The following EPHA2 variants were observed in gnomAD, a reference collection of about 807,000 sequenced individuals.
The protein encoded by EPHA2 is ephrin type-A receptor 2.
Under a neutral mutation model 104.9 loss-of-function variants are expected in EPHA2, and 54 were observed. The ratio of observed to expected loss-of-function variants is 0.51; its 90% confidence interval spans 0.41 to 0.65. The LOEUF is 0.65. Ranked by LOEUF, EPHA2 falls within the 30% of genes least tolerant of loss-of-function variation. EPHA2 has a pLI of 0.00. For missense variants in EPHA2, 1,117 were observed against 1,369.5 expected (o/e 0.82, Z 2.91); for synonymous variants, 560 against 559.1 (o/e 1.00, Z -0.02).
rs115171763 is a variant in EPHA2 at position 16,135,132 on chromosome 1, C to A, written c.1486G>T (p.Asp496Tyr). Residue 496 changes from aspartate to tyrosine, a missense_variant, in exon 7 of 17, where the codon GAC becomes TAC. Coordinates refer to ENST00000358432, the MANE Select transcript of EPHA2 (RefSeq NM_004431.5). The surrounding 1 kb of genome is among the most constrained non-coding windows in gnomAD (Gnocchi z 4.3). ...AGGTAGGTGGTGTCTGGGGCCAGGT[C>A]GTCCAGGGTCACGGAGAAACCCTCG... is the stretch of plus-strand genomic sequence containing the variant. ...RTEGFSVTLDDLAPDTTYLVQ... is the reference protein window; with the variant it reads ...RTEGFSVTLDYLAPDTTYLVQ... 1 of 1,614,050 alleles carries A rather than the reference C, an allele frequency of 6.2e-7. No individual in the cohort carries two copies. Among genetic ancestry groups the A allele is most frequent in the South Asian group, 1.1e-5 (1 of 91,074 alleles).
chr1:16,150,828 T>G lies in EPHA2; in HGVS notation c.153+68A>C. 6.4e-7 allele frequency: 1 copy of G among 1,573,486 alleles called. No homozygotes were observed. Among genetic ancestry groups the G allele is most frequent in the African/African-American group, 1.3e-5 (1 of 74,212 alleles). On this transcript the variant is annotated intron_variant, in intron 2 of 16. Coordinates refer to ENST00000358432, the MANE Select transcript of EPHA2 (RefSeq NM_004431.5). This position sits in a 1 kb window ranked among gnomAD's most constrained non-coding sequence, Gnocchi z 4.8. ...GGCCCCACGCTCCCTGGGCCTCAGT[T>G]TCTCCATCTCTACAGGGGACCAGCA...
chr1:16,152,912 A>G (rs1341668547), intron 1 of EPHA2, among the ~76,000 whole-genome samples: 2 of 152,000 alleles, frequency 1.3e-5, no homozygotes. Context: ...CCTCGAACCA[A>G]CCACCAGGAA....
intron 1 of EPHA2, among the ~76,000 whole-genome samples, chr1:16,151,779 G>A (rs1165189073): frequency 1.3e-5 from 2 of 152,308 alleles, no homozygotes; most frequent in African/African-American, 4.8e-5. Context: ...TGGGGGATCA[G>A]GAATAAAAGC....
chr1:16,126,827 G>A (rs1016159193), intron 16 of EPHA2, among the ~76,000 whole-genome samples: 7 of 152,140 alleles, frequency 4.6e-5, no homozygotes, highest in Admixed American at 1.3e-4. Context: ...TAAGCTCCAG[G>A]AGGACAAGTG....
chr1:16,135,802 A>T lies in EPHA2; in HGVS notation c.1313-32T>A. 8.4e-7 allele frequency: 1 copy of T among 1,191,032 alleles called. No individual in the cohort carries two copies. The highest frequency in any genetic ancestry group is 1.3e-6 in the Non-Finnish European group (1 of 799,612). 73.8% of individuals were successfully genotyped at this position (1,191,032 alleles called of 1,614,324 possible). A position where few individuals can be genotyped will look rare whatever the true frequency, so the allele number is the denominator to read the frequency against. On this transcript the variant is annotated intron_variant, in intron 5 of 16. Coordinates refer to ENST00000358432, the MANE Select transcript of EPHA2 (RefSeq NM_004431.5). The surrounding 1 kb of genome is among the most constrained non-coding windows in gnomAD (Gnocchi z 4.3). The stretch of plus-strand genomic sequence containing the variant: ...AGGACAGGCAGTGGGGGAAGTGGGT[A>T]AGAAGCTGCCTACGAGCAGGCAGGG...
chr1:16,147,253 A>G (rs112657381), intron 3 of EPHA2, among the ~76,000 whole-genome samples: 41 of 152,324 alleles, frequency 2.7e-4, no homozygotes, highest in African/African-American at 9.9e-4. Flanking sequence ...TGTCATCTAT[A>G]GAGGCCCCAG....
Position 16,155,739 on chromosome 1 carries a change from G to T in EPHA2, c.85+109C>A, listed in dbSNP as rs977215321. 2.4e-5 allele frequency: 22 copies of T among 902,664 alleles called. No homozygotes were observed. In the African/African-American group the frequency reaches 3.9e-4, roughly 16 times the overall value. 55.9% of individuals were successfully genotyped at this position (902,664 alleles called of 1,614,324 possible). A position where few individuals can be genotyped will look rare whatever the true frequency, so the allele number is the denominator to read the frequency against. On this transcript the variant is annotated intron_variant, in intron 1 of 16. Transcript: ENST00000358432. ...GCGCCCTCCGGACTCCAGTTCGCCGGGACTGGGCGACACCAGGTAGGTTCC... is the reference window on the plus strand; with the variant it reads ...GCGCCCTCCGGACTCCAGTTCGCCGTGACTGGGCGACACCAGGTAGGTTCC...
Position 16,130,130 on chromosome 1 carries a change from CT to C in EPHA2, c.2669+95del, listed in dbSNP as rs889960687. On this transcript the variant is annotated intron_variant, in intron 15 of 16. Transcript: ENST00000358432. The surrounding 1 kb of genome is among the most constrained non-coding windows in gnomAD (Gnocchi z 4.5). ...AACCTCTTAGCCCCCAGCACCCCCC[CT>C]ACCAGCTTCACCTGGGTGGCCACTC... 160 of 1,545,372 alleles carry C rather than the reference CT, an allele frequency of 1.0e-4. No homozygotes were observed. The highest frequency in any genetic ancestry group is 5.8e-4 in the African/African-American group (43 of 73,604).
At position 16,150,006 on chromosome 1, in the gene EPHA2, C is replaced by T. The variant is rs1034213393; in HGVS notation, c.153+890G>A. 2.6e-5 allele frequency among the ~76,000 whole-genome samples: 4 copies of T among 152,174 alleles called. No homozygotes were observed. Among genetic ancestry groups the T allele is most frequent in the African/African-American group, 9.7e-5 (4 of 41,434 alleles). ...CATGCCCTTGGGCCTCAGTTTCCCA[C>T]TCTGTATAAAGACTGGGTTGTATTA... On this transcript the variant is annotated intron_variant, in intron 2 of 16. Transcript: ENST00000358432. The surrounding 1 kb of genome is among the most constrained non-coding windows in gnomAD (Gnocchi z 4.8).
rs2024570789 is a variant in EPHA2, at chr1:16,131,634, T to G, written c.2475+87A>C. 7 of 1,569,042 alleles carry G rather than the reference T, an allele frequency of 4.5e-6. No homozygotes were observed. The highest frequency in any genetic ancestry group is 6.1e-6 in the Non-Finnish European group (7 of 1,144,232). On this transcript the variant is annotated intron_variant, in intron 14 of 16. Transcript: ENST00000358432. The surrounding 1 kb of genome is among the most constrained non-coding windows in gnomAD (Gnocchi z 5.2). The stretch of plus-strand genomic sequence containing the variant: ...CAAGCCTAAGAAGGTTCATCTAAAC[T>G]GTCCTCTGCCCAGCCCCTGCAGTTT...
chr1:16,125,355 G>A lies in EPHA2; in HGVS notation c.2826-35C>T, dbSNP rs759341659. 3.3e-6 allele frequency: 5 copies of A among 1,515,112 alleles called. No individual in the cohort carries two copies. The highest frequency in any genetic ancestry group is 2.7e-5 in the African/African-American group (2 of 72,736). The allele number at this position is 1,515,112 out of a possible 1,614,324, so 93.9% of individuals were successfully genotyped here. ...GGGAGGGAGAGAGGGAGAGTTAGGGGCTGGAGCAGGGGAGGGGGCCGGGCT... is the reference window on the plus strand; with the variant it reads ...GGGAGGGAGAGAGGGAGAGTTAGGGACTGGAGCAGGGGAGGGGGCCGGGCT... On this transcript the variant is annotated intron_variant, in intron 16 of 16. Coordinates refer to ENST00000358432, the MANE Select transcript of EPHA2 (RefSeq NM_004431.5). This position sits in a 1 kb window ranked among gnomAD's most constrained non-coding sequence, Gnocchi z 4.9.
At position 16,138,255 on chromosome 1, in the gene EPHA2, T is replaced by C. The variant is rs2124228512; in HGVS notation, c.979+20A>G. ...CACGTCACCCTCAGTCACGCCACCCTGACCCACTGCAAGACTCACGTGTGC... is the reference window on the plus strand; with the variant it reads ...CACGTCACCCTCAGTCACGCCACCCCGACCCACTGCAAGACTCACGTGTGC... On this transcript the variant is annotated intron_variant, in intron 4 of 16. Coordinates refer to ENST00000358432, the MANE Select transcript of EPHA2 (RefSeq NM_004431.5). The C allele has an allele frequency of 6.2e-7, 1 of 1,613,040 alleles. No homozygotes were observed. The highest frequency in any genetic ancestry group is 8.5e-7 in the Non-Finnish European group (1 of 1,179,798).
Position 16,130,563 on chromosome 1 carries a change from A to C in EPHA2, c.2476-144T>G. 1.2e-6 allele frequency: 1 copy of C among 808,032 alleles called. No individual in the cohort carries two copies. 50.1% of individuals were successfully genotyped at this position (808,032 alleles called of 1,614,324 possible). A position where few individuals can be genotyped will look rare whatever the true frequency, so the allele number is the denominator to read the frequency against. ...CAGGAAGGGCCTTTCTTGAGCTGCC[A>C]CCCAACCTTCAGAGCTGCCCAAAGG... On this transcript the variant is annotated intron_variant, in intron 14 of 16. Transcript: ENST00000358432. The surrounding 1 kb of genome is among the most constrained non-coding windows in gnomAD (Gnocchi z 4.5).
rs2124205208 is a variant in EPHA2 at position 16,133,213 on chromosome 1, T to G, written c.2020A>C (p.Asn674His). Residue 674 changes from asparagine (N) to histidine (H), a missense_variant, in exon 11 of 17, where the codon AAC becomes CAC. Asn to His is a moderately conservative substitution (Grantham distance 68, BLOSUM62 1). Coordinates refer to ENST00000358432, the MANE Select transcript of EPHA2 (RefSeq NM_004431.5). ...ATGACGCCCTCTAGGCGGATGATGT[T>G]GTGGTGGCTGAACTGGCCCATGATG... ...AGIMGQFSHH[N>H]IIRLEGVISK... The G allele has an allele frequency of 6.2e-7, 1 of 1,613,720 alleles. No homozygotes were observed. The highest frequency in any genetic ancestry group is 8.5e-7 in the Non-Finnish European group (1 of 1,179,890).
In EPHA2 at chr1:16,155,717, C is replaced by A. The variant is rs574285726; in HGVS notation, c.85+131G>T. 1.7e-4 allele frequency: 117 copies of A among 689,808 alleles called. 1 individual carries two copies. In the South Asian group the frequency reaches 3.3e-3, roughly 20 times the overall value. 42.7% of individuals were successfully genotyped at this position (689,808 alleles called of 1,614,324 possible). A position where few individuals can be genotyped will look rare whatever the true frequency, so the allele number is the denominator to read the frequency against. On this transcript the variant is annotated intron_variant, in intron 1 of 16. Transcript: ENST00000358432. ...GCTCGCCTCGATCGCAGCCCGTGCG[C>A]CCTCCGGACTCCAGTTCGCCGGGAC...
At chr1:16,139,039 G>A (rs886425058) in intron 3 of EPHA2, among the ~76,000 whole-genome samples, 3 of 152,158 alleles carry the variant, frequency 2.0e-5, no homozygotes, top group Non-Finnish European at 2.9e-5. Context: ...AAGCCCCCTG[G>A]CATTTTCTCT....
Position 16,125,779 on chromosome 1 carries a change from CT to C in EPHA2, c.2826-460del, listed in dbSNP as rs1413361382. On this transcript the variant is annotated intron_variant, in intron 16 of 16. Coordinates refer to ENST00000358432, the MANE Select transcript of EPHA2 (RefSeq NM_004431.5). This position sits in a 1 kb window ranked among gnomAD's most constrained non-coding sequence, Gnocchi z 4.9. ...ACAAATGCCTTCCCTCCCCTCACCC[CT>C]AGTCTGTTCCCAGTGCCCCCAGCTC... 6.6e-6 allele frequency among the ~76,000 whole-genome samples: 1 copy of C among 152,016 alleles called. No individual in the cohort carries two copies. The highest frequency in any genetic ancestry group is 1.9e-4 in the East Asian group (1 of 5,176).
At chr1:16,151,663 C>A (rs1557517279) in intron 1 of EPHA2, among the ~76,000 whole-genome samples, 2 of 152,130 alleles carry the variant, frequency 1.3e-5, no homozygotes, top group East Asian at 3.9e-4. Flanking sequence ...TAAGAGGGGC[C>A]CAAAGATACA....
Position 16,133,461 on chromosome 1 carries a change from TG to T in EPHA2, c.1864+19del. 6.2e-7 allele frequency: 1 copy of T among 1,614,036 alleles called. No homozygotes were observed. ...CCACCGCTGCCTCCTCAGGGCCCCT[TG>T]GCAGGGGGCCAACCTCACCTGCTCC... On this transcript the variant is annotated intron_variant, in intron 10 of 16. Coordinates refer to ENST00000358432, the MANE Select transcript of EPHA2 (RefSeq NM_004431.5).
Sources: gnomAD v4.1 joint callset for allele counts (sites outside exome capture counted in the v4.1 genomes callset) on GRCh38, gnomAD v4.1.1 for gene constraint, Gnocchi (gnomAD v3.1) non-coding constraint, MANE v1.5 for transcripts, NCBI Gene and HGNC (gene_info 2026-07-23, HGNC 2026-07-21) for gene names.